GAS2: variants seen among roughly 807,000 people sequenced by gnomAD.
GAS2 encodes growth arrest-specific protein 2.
Under a neutral mutation model 37.5 loss-of-function variants are expected in GAS2, and 20 were observed. That is an observed-to-expected ratio of 0.53 (90% CI 0.37 to 0.77). GAS2 has a LOEUF of 0.77. Among genes scored for constraint, GAS2 ranks in the 30% least tolerant of loss-of-function variants. GAS2 has a pLI of 0.00. For missense variants in GAS2, 336 were observed against 373.4 expected (o/e 0.90, Z 0.82); for synonymous variants, 144 against 132.2 (o/e 1.09, Z -0.61).
chr11:22,702,046 C>A (rs912411311), intron 3 of GAS2, among the ~76,000 whole-genome samples: 1 of 151,988 alleles, frequency 6.6e-6, no homozygotes, highest in African/African-American at 2.4e-5. Context: ...ATAAAAATAC[C>A]TGCCATATAA....
intron 4 of GAS2, among the ~76,000 whole-genome samples, chr11:22,734,012 A>G (rs1852617714): frequency 6.6e-6 from 1 of 151,888 alleles, no homozygotes; most frequent in South Asian, 2.1e-4. Flanking sequence ...TGAAAAAGAT[A>G]AATGATGACA....
intron 3 of GAS2, among the ~76,000 whole-genome samples, chr11:22,686,788 A>G (rs2133949342): frequency 6.6e-6 from 1 of 152,146 alleles, no homozygotes; most frequent in African/African-American, 2.4e-5. Context: ...ACAATTTAAG[A>G]CAAAAAGCAA....
chr11:22,629,840 T>C (rs750103688), intron 1 of GAS2, among the ~76,000 whole-genome samples: 2 of 152,204 alleles, frequency 1.3e-5, no homozygotes, highest in African/African-American at 4.8e-5. Context: ...TATTTTTGTT[T>C]TTGTTGCATT....
chr11:22,647,463 G>GCTAGAAC (rs1425617395), intron 1 of GAS2, among the ~76,000 whole-genome samples: 3 of 152,084 alleles, frequency 2.0e-5, no homozygotes, highest in South Asian at 2.1e-4. Context: ...GGATCAAATG[G>GCTAGAAC]TATTTCTAGT....
intron 1 of GAS2, among the ~76,000 whole-genome samples, chr11:22,651,502 C>A (rs1006249086): frequency 6.6e-6 from 1 of 152,180 alleles, no homozygotes; most frequent in African/African-American, 2.4e-5. Context: ...TGGATAATAT[C>A]CTGCAGAGTG....
chr11:22,711,017 C>T (rs748763861), intron 3 of GAS2, among the ~76,000 whole-genome samples: 3 of 152,166 alleles, frequency 2.0e-5, no homozygotes, highest in African/African-American at 7.2e-5. Flanking sequence ...TGTCTGGAGA[C>T]TCACATTGTG....
At chr11:22,696,302 A>G (rs983741115) in intron 3 of GAS2, among the ~76,000 whole-genome samples, 3 of 152,002 alleles carry the variant, frequency 2.0e-5, no homozygotes, top group Middle Eastern at 3.4e-3. Flanking sequence ...ATAGTATTCC[A>G]TGGTGTATAT....
At chr11:22,663,254 A>G (rs1848935461), upstream of GAS2, among the ~76,000 whole-genome samples, 3 of 152,106 alleles carry the variant, frequency 2.0e-5, no homozygotes, top group Non-Finnish European at 4.4e-5. Context: ...TTACAATTCT[A>G]GATGAAATTT....
intron 3 of GAS2, among the ~76,000 whole-genome samples, chr11:22,725,034 T>C (rs1015230509): frequency 2.0e-5 from 3 of 152,044 alleles, no homozygotes; most frequent in African/African-American, 4.8e-5. Flanking sequence ...ACAAAGTGCT[T>C]CTCCCTTGAT....
At chr11:22,658,184 C>T (rs1554966265) in intron 1 of GAS2, among the ~76,000 whole-genome samples, 1 of 152,092 alleles carries the variant, frequency 6.6e-6, no homozygotes, top group Non-Finnish European at 1.5e-5. Flanking sequence ...CACCACCATG[C>T]TCAGCTAATT....
intron 7 of GAS2, among the ~76,000 whole-genome samples, chr11:22,784,087 G>A (rs1232701865): frequency 3.3e-5 from 5 of 152,038 alleles, no homozygotes; most frequent in African/African-American, 1.2e-4. Flanking sequence ...TGGTTCCTCT[G>A]GCATTGTTCT....
chr11:22,723,007 A>G (rs570974856), intron 3 of GAS2, among the ~76,000 whole-genome samples: 1 of 152,004 alleles, frequency 6.6e-6, no homozygotes, highest in Non-Finnish European at 1.5e-5. Context: ...ATTCTTGATA[A>G]GCAGAGATCC....
At chr11:22,737,937 T>C (rs1852844369) in intron 5 of GAS2, among the ~76,000 whole-genome samples, 169 bp downstream of exon 5, 1 of 152,234 alleles carries the variant, frequency 6.6e-6, no homozygotes, top group African/African-American at 2.4e-5. Flanking sequence ...AAATTAAAAG[T>C]GTGCCACCAA....
chr11:22,678,260 G>A (rs1849524940), intron 2 of GAS2, among the ~76,000 whole-genome samples: 1 of 151,032 alleles, frequency 6.6e-6, no homozygotes, highest in Admixed American at 6.7e-5. Context: ...ATAATAAGGA[G>A]GGTAAGAATA....
At chr11:22,785,252 G>A (rs909618849) in intron 7 of GAS2, among the ~76,000 whole-genome samples, 23 of 152,178 alleles carry the variant, frequency 1.5e-4, no homozygotes, top group African/African-American at 5.3e-4. Flanking sequence ...GAAAAAGAAG[G>A]TCAGTGGCAC....
intron 7 of GAS2, among the ~76,000 whole-genome samples, chr11:22,784,282 A>G (rs1005148311): frequency 1.3e-5 from 2 of 152,180 alleles, no homozygotes; most frequent in Non-Finnish European, 2.9e-5. Flanking sequence ...GTTATAAACT[A>G]TCTTGGGAAA....
chr11:22,685,092 G>A (rs549744671), intron 2 of GAS2, among the ~76,000 whole-genome samples: 5 of 152,000 alleles, frequency 3.3e-5, no homozygotes, highest in Admixed American at 6.6e-5. Flanking sequence ...TTGAGCCCAA[G>A]GAGCTCAAAA....
At chr11:22,712,922 CA>C (rs1280431420) in intron 3 of GAS2, among the ~76,000 whole-genome samples, 1 of 151,504 alleles carries the variant, frequency 6.6e-6, no homozygotes, top group African/African-American at 2.4e-5. Flanking sequence ...ACTAAAAATA[CA>C]AAAAAGTAGC....
At chr11:22,690,911 C>T (rs1339307592) in intron 3 of GAS2, among the ~76,000 whole-genome samples, 1 of 152,088 alleles carries the variant, frequency 6.6e-6, no homozygotes, top group African/African-American at 2.4e-5. Context: ...CTGATTTGTG[C>T]AAAAGACTCT....
Sources: allele counts gnomAD v4.1 joint callset (sites outside exome capture counted in the v4.1 genomes callset), GRCh38; gene constraint gnomAD v4.1.1; transcripts MANE v1.5; gene names NCBI Gene and HGNC (gene_info 2026-07-23, HGNC 2026-07-21).